The following RNF31 variants were observed in gnomAD, a reference collection of about 807,000 sequenced individuals.
RNF31 encodes the protein ring finger protein 31.
Under a neutral mutation model 133.6 loss-of-function variants are expected in RNF31, and 38 were observed. That is an observed-to-expected ratio of 0.28 (90% CI 0.22 to 0.37). The LOEUF (loss-of-function observed/expected upper bound fraction) is 0.37, where lower values mean the gene tolerates loss of function less well. RNF31 is among the 10% of genes least tolerant of loss of function. RNF31 has a pLI of 1.00. For missense variants in RNF31, 1,118 were observed against 1,394.1 expected (o/e 0.80, Z 3.15); for synonymous variants, 582 against 552.3 (o/e 1.05, Z -0.75).
At chr14:24,158,824 C>CAAG (rs1555348377) in intron 18 of RNF31, 2 of 150,498 alleles carry the variant, frequency 1.3e-5, no homozygotes, top group Non-Finnish European at 2.9e-5. Context: ...ATCACGAAGT[C>CAAG]AGATCGAGAC....
chr14:24,158,108 G>C (rs922875632), intron 17 of RNF31, 34 bp from the exon 18 acceptor site: 1 of 1,613,406 alleles, frequency 6.2e-7, no homozygotes, highest in African/African-American at 1.3e-5. Flanking sequence ...TGGCATCAAG[G>C]GGAATGTAAC....
Position 24,150,355 on chromosome 14 carries a change from G to A in RNF31, c.1104G>A (p.Val368=), listed in dbSNP as rs1333225155. 3 of 1,614,154 alleles carry A rather than the reference G, an allele frequency of 1.9e-6. No individual in the cohort carries two copies. The highest frequency in any genetic ancestry group is 1.7e-4 in the Middle Eastern group (1 of 6,022). ...CCTTTGAGAATGAGGCAGCTGCTGT[G>A]CTATGTTCCATATGTGAGCGACCTC... ...SCTFENEAAA[V]LCSICERPRL... is the part of the protein sequence containing the mutation. The change falls in exon 7 of 21, where the codon GTG becomes GTA. Residue 368 remains valine (V), a synonymous_variant. Coordinates refer to ENST00000324103, the MANE Select transcript of RNF31 (RefSeq NM_017999.5).
chr14:24,160,001 G>C lies in RNF31; in HGVS notation c.2996+41G>C. 6.3e-7 allele frequency: 1 copy of C among 1,576,670 alleles called. No individual in the cohort carries two copies. Among genetic ancestry groups the C allele is most frequent in the Non-Finnish European group, 8.7e-7 (1 of 1,150,700 alleles). ...ACATGGGCATGGTGTTGGGCAGTGG[G>C]TAGAAGTGGTGAGGGCATGCCCAGG... is the stretch of plus-strand genomic sequence containing the variant. On this transcript the variant is annotated intron_variant, in intron 19 of 20. Coordinates refer to ENST00000324103, the MANE Select transcript of RNF31 (RefSeq NM_017999.5). This position sits in a 1 kb window ranked among gnomAD's most constrained non-coding sequence, Gnocchi z 4.0.
chr14:24,159,032 CAAAAAAAAAAA>C (rs529900287), intron 18 of RNF31, among the ~76,000 whole-genome samples: 1 of 54,430 alleles, frequency 1.8e-5, no homozygotes. Flanking sequence ...GACTTCGTCT[CAAAAAAAAAAA>C]AAAAAAAAAA....
chr14:24,151,253 G>A lies in RNF31; in HGVS notation c.1611G>A (p.Glu537=). ...CCTACGTCCTGGAGATGGTGGCTGA[G>A]CTGGCTGGACAGCAGGACCCTGGGC... is the stretch of plus-strand genomic sequence containing the variant. ...ELPYVLEMVA[E]LAGQQDPGLG... Residue 537 remains glutamate, a synonymous_variant, in exon 9 of 21, where the codon GAG becomes GAA. Transcript: ENST00000324103. This position sits in a 1 kb window ranked among gnomAD's most constrained non-coding sequence, Gnocchi z 5.3. 6.2e-7 allele frequency: 1 copy of A among 1,614,220 alleles called. No homozygotes were observed.
At chr14:24,153,035 C>T (rs955311780) in intron 11 of RNF31, among the ~76,000 whole-genome samples, 7 of 151,192 alleles carry the variant, frequency 4.6e-5, no homozygotes, top group East Asian at 2.0e-4. Flanking sequence ...GAGCCGAGAT[C>T]GCGCCACTGC....
At chr14:24,149,027 G>A (rs536010125) in intron 5 of RNF31, 151 bp downstream of exon 5, 10 of 757,314 alleles carry the variant, frequency 1.3e-5, no homozygotes, top group East Asian at 5.0e-5. Context: ...GCAATGGTGC[G>A]ATCTCCGCTC....
chr14:24,149,861 C>T (rs1246543601), intron 6 of RNF31, among the ~76,000 whole-genome samples, 200 bp from the exon 7 acceptor site: 2 of 152,048 alleles, frequency 1.3e-5, no homozygotes, highest in African/African-American at 2.4e-5. Context: ...CATGTGTTAG[C>T]AGTATCTACT....
chr14:24,152,559 C>T (rs1264949974), intron 11 of RNF31, among the ~76,000 whole-genome samples: 3 of 147,742 alleles, frequency 2.0e-5, no homozygotes, highest in East Asian at 2.1e-4. Flanking sequence ...GCTGGGATTA[C>T]AGGCACCCGC....
rs2038331748 is a variant in RNF31 at position 24,155,676 on chromosome 14, T to C, written c.2477T>C (p.Val826Ala). Residue 826 changes from valine to alanine, a missense_variant, in exon 14 of 21, where the codon GTG becomes GCG. Physicochemically the swap from Val to Ala is moderately conservative, Grantham distance 64. Transcript: ENST00000324103. This position sits in a 1 kb window ranked among gnomAD's most constrained non-coding sequence, Gnocchi z 4.9. ...CCCCAGTGTCACCAGACCTTCTGTG[T>C]GCGCTGCAAGCGCCAGGTGAGGCAC... ...TCPQCHQTFCVRCKRQWEEQH... is the reference protein window; with the variant it reads ...TCPQCHQTFCARCKRQWEEQH... The C allele has an allele frequency of 1.2e-6, 2 of 1,614,008 alleles. No homozygotes were observed. The highest frequency in any genetic ancestry group is 2.7e-5 in the African/African-American group (2 of 74,946).
At chr14:24,148,218 G>C (rs376898719) in intron 2 of RNF31, 40 bp from the exon 3 acceptor site, 15 of 1,613,726 alleles carry the variant, frequency 9.3e-6, no homozygotes, top group Non-Finnish European at 1.3e-5. Context: ...CTACTAGGCA[G>C]GAAACCTCCT....
intron 17 of RNF31, 25 bp downstream of exon 17, chr14:24,158,036 A>C (rs757890673): frequency 6.2e-7 from 1 of 1,611,720 alleles, no homozygotes; most frequent in Non-Finnish European, 8.5e-7. Flanking sequence ...GGAGAGAAGA[A>C]GACAGGGCCC....
chr14:24,157,820 C>A, intron 16 of RNF31, 78 bp from the exon 17 acceptor site: 2 of 1,256,224 alleles, frequency 1.6e-6, no homozygotes, highest in Non-Finnish European at 2.3e-6. Flanking sequence ...CACCCTTACA[C>A]CCCTCACGCA....
At position 24,148,710 on chromosome 14, in the gene RNF31, G is replaced by T; in HGVS notation, c.555+9G>T. 6.2e-7 allele frequency: 1 copy of T among 1,614,140 alleles called. No homozygotes were observed. The highest frequency in any genetic ancestry group is 8.5e-7 in the Non-Finnish European group (1 of 1,179,980). Reference sequence around the variant, plus strand: ...ACAAGGTTGAAGATGATGTAAGGAAGGCAGGAAAGGGGCTGGTGTACAAAG... The same window carrying T: ...ACAAGGTTGAAGATGATGTAAGGAATGCAGGAAAGGGGCTGGTGTACAAAG... On this transcript the variant is annotated intron_variant, in intron 4 of 20. Coordinates refer to ENST00000324103, the MANE Select transcript of RNF31 (RefSeq NM_017999.5).
In RNF31 at chr14:24,159,422, C is replaced by T. The variant is rs8014290; in HGVS notation, c.2900-442C>T. On this transcript the variant is annotated intron_variant, in intron 18 of 20. Transcript: ENST00000324103. ...TGGTGGTGGCTCACACCCATAATCC[C>T]AGCACTTTGGGAGGCTAAGGCAAGA... Among the ~76,000 whole-genome samples, 394 of 151,402 alleles carry T rather than the reference C, an allele frequency of 2.6e-3. 1 individual carries two copies. Among genetic ancestry groups the T allele is most frequent in the African/African-American group, 9.3e-3 (382 of 41,194 alleles).
chr14:24,147,410 G>T (rs1022147838), upstream of RNF31: 4 of 304,988 alleles, frequency 1.3e-5, no homozygotes, highest in East Asian at 5.3e-5. Context: ...CCTCTTGGCC[G>T]CGCCCCCTGG....
Position 24,151,656 on chromosome 14 carries a change from G to A in RNF31, c.1909G>A (p.Gly637Arg), listed in dbSNP as rs1470629719. The A allele has an allele frequency of 6.2e-7, 1 of 1,611,318 alleles. No homozygotes were observed. Among genetic ancestry groups the A allele is most frequent in the African/African-American group, 1.3e-5 (1 of 74,938 alleles). ...CCCTGAGCCCACCCCTTCCTGGGAT[G>A]GGCCAGACAAGCAGGTGCTGGGAGG... The part of the protein sequence containing the change: ...SGPEPTPSWD[G>R]PDKQSLVRRL... The change falls in exon 10 of 21, where the codon GGG becomes AGG. Residue 637 changes from glycine to arginine, a missense_variant. Physicochemically the swap from Gly to Arg is moderately radical, Grantham distance 125. This residue lies in a region of RNF31 where 747 missense variants were observed against 827.9 expected (regional missense o/e 0.90). Transcript: ENST00000324103. This position sits in a 1 kb window ranked among gnomAD's most constrained non-coding sequence, Gnocchi z 5.3.
chr14:24,158,236 G>C, intron 18 of RNF31, 37 bp downstream of exon 18: 2 of 1,599,608 alleles, frequency 1.3e-6, no homozygotes, highest in Non-Finnish European at 1.7e-6. Flanking sequence ...AGAGGAGATG[G>C]TGTGCTGGGC....
In RNF31 at chr14:24,159,904, G is replaced by C; in HGVS notation, c.2940G>C (p.Gly980=). ...RVIEQKEVPN[G]LRDEACGKET... ...TAGAGCAGAAGGAGGTTCCCAATGGGCTCAGGGACGAAGCTTGTGGCAAGG... is the reference window on the plus strand; with the variant it reads ...TAGAGCAGAAGGAGGTTCCCAATGGCCTCAGGGACGAAGCTTGTGGCAAGG... The change falls in exon 19 of 21, where the codon GGG becomes GGC. Residue 980 remains glycine (G), a synonymous_variant. Coordinates refer to ENST00000324103, the MANE Select transcript of RNF31 (RefSeq NM_017999.5). The C allele has an allele frequency of 6.2e-7, 1 of 1,614,130 alleles. No homozygotes were observed. The highest frequency in any genetic ancestry group is 8.5e-7 in the Non-Finnish European group (1 of 1,180,036).
Sources: gnomAD v4.1 joint callset for allele counts (sites outside exome capture counted in the v4.1 genomes callset) on GRCh38, gnomAD v4.1.1 for gene constraint, gnomAD v4.1.1 regional missense constraint, Gnocchi (gnomAD v3.1) non-coding constraint, MANE v1.5 for transcripts, NCBI Gene and HGNC (gene_info 2026-07-23, HGNC 2026-07-21) for gene names.